GAPVD1: variants seen among roughly 807,000 people sequenced by gnomAD.
The protein encoded by GAPVD1 is GTPase activating protein and VPS9 domains 1.
Under a neutral mutation model 155.5 loss-of-function variants are expected in GAPVD1, and 35 were observed. The ratio of observed to expected loss-of-function variants is 0.23; its 90% CI spans 0.17 to 0.30. GAPVD1 has a LOEUF of 0.30. Ranked by LOEUF, GAPVD1 falls within the 10% of genes least tolerant of loss-of-function variation. The probability of loss-of-function intolerance (pLI) is 1.00; values close to 1 mark genes in which losing one functional copy is unlikely to be tolerated. For missense variants in GAPVD1, 1,429 were observed against 1,775.7 expected, an observed-to-expected ratio of 0.80 and a Z score of 3.51; for synonymous variants, 636 against 619.7, an observed-to-expected ratio of 1.03 and a Z score of -0.39.
At chr9:125,293,630 A>ATATATATATAATATAAAAATATATATAT (rs1385586353) in intron 2 of GAPVD1, among the ~76,000 whole-genome samples, 41 of 130,602 alleles carry the variant, frequency 3.1e-4, no homozygotes, top group African/African-American at 6.8e-4. Context: ...TATATATATT[A>ATATATATATAATATAAAAATATATATAT]TATATATATA....
chr9:125,278,698 G>T (rs76152527), intron 2 of GAPVD1, among the ~76,000 whole-genome samples: 1 of 151,800 alleles, frequency 6.6e-6, no homozygotes, highest in Non-Finnish European at 1.5e-5. Flanking sequence ...AGCTGGATGC[G>T]GTAGTACATG....
chr9:125,334,087 G>GGTC (rs939376806), intron 15 of GAPVD1, among the ~76,000 whole-genome samples: 43 of 152,244 alleles, frequency 2.8e-4, no homozygotes, highest in Admixed American at 1.5e-3. Flanking sequence ...GGACCACTGA[G>GGTC]GTCCTAAGAC....
intron 2 of GAPVD1, among the ~76,000 whole-genome samples, chr9:125,287,116 G>A (rs1456804479): frequency 6.6e-6 from 1 of 152,054 alleles, no homozygotes; most frequent in East Asian, 1.9e-4. Flanking sequence ...GGAGTTCAGA[G>A]TTGAGATTTA....
At chr9:125,309,495 C>T (rs770303601) in intron 8 of GAPVD1, among the ~76,000 whole-genome samples, 9 of 152,002 alleles carry the variant, frequency 5.9e-5, no homozygotes, top group African/African-American at 1.2e-4. Flanking sequence ...CCACCACGCC[C>T]GGCTAATTTT....
At chr9:125,334,432 A>T (rs1046715166) in intron 15 of GAPVD1, among the ~76,000 whole-genome samples, 3 of 152,216 alleles carry the variant, frequency 2.0e-5, no homozygotes, top group East Asian at 3.8e-4. Context: ...CTGAGATATG[A>T]TGAGATGTCT....
chr9:125,318,523 G>A (rs1843780538), intron 9 of GAPVD1, among the ~76,000 whole-genome samples: 1 of 152,126 alleles, frequency 6.6e-6, no homozygotes, highest in South Asian at 2.1e-4. Flanking sequence ...TCCCTTTTCT[G>A]TTAATTCACG....
Position 125,350,303 on chromosome 9 carries a change from A to T in GAPVD1, c.3308A>T (p.Lys1103Ile). ...TTCTACTCATTTTTCAGAGATGCAAAAAAGAAACTGAGGCTTGCTCTTTGC... is the reference window on the plus strand; with the variant it reads ...TTCTACTCATTTTTCAGAGATGCAATAAAGAAACTGAGGCTTGCTCTTTGC... ...QDSAFSYRDA[K>I]KKLRLALCSA... The change falls in exon 22 of 28, where the codon AAA becomes ATA. Residue 1103 changes from lysine to isoleucine, a missense_variant. Physicochemically the swap from Lys to Ile is moderately radical, Grantham distance 102 (BLOSUM62 -3). Transcript: ENST00000297933. The T allele has an allele frequency of 1.3e-6, 2 of 1,584,202 alleles. No individual in the cohort carries two copies. Among genetic ancestry groups the T allele is most frequent in the Non-Finnish European group, 1.7e-6 (2 of 1,170,378 alleles).
Position 125,337,513 on chromosome 9 carries a change from A to G in GAPVD1, c.2799A>G (p.Ala933=). 1 of 1,614,168 alleles carries G rather than the reference A, an allele frequency of 6.2e-7. No individual in the cohort carries two copies. The highest frequency in any genetic ancestry group is 8.5e-7 in the Non-Finnish European group (1 of 1,179,992). ...GNEERELPPA[A]AIGATSLVAA... ...AAGAGCGAGAACTCCCTCCAGCTGCAGCCATTGGTGCTACTTCTTTGGTGG... is the reference window on the plus strand; with the variant it reads ...AAGAGCGAGAACTCCCTCCAGCTGCGGCCATTGGTGCTACTTCTTTGGTGG... Residue 933 remains alanine, a synonymous_variant, in exon 17 of 28, where the codon GCA becomes GCG. Transcript: ENST00000297933.
rs935942659 is a variant in GAPVD1 at position 125,302,553 on chromosome 9, G to A, written c.756G>A (p.Glu252=). Residue 252 remains glutamate (E), a synonymous_variant, in exon 5 of 28, where the codon GAG becomes GAA. Transcript: ENST00000297933. ...GGCAAAAAGTTCAAGAAATGGTGGA[G>A]TCCAATGAAGCAAAGCTAGTGGCTT... The part of the protein sequence containing the change: ...RFRQKVQEMV[E]SNEAKLVALV... The A allele has an allele frequency of 1.9e-6, 3 of 1,613,804 alleles. No homozygotes were observed. Among genetic ancestry groups the A allele is most frequent in the South Asian group, 2.2e-5 (2 of 91,080 alleles).
intron 2 of GAPVD1, among the ~76,000 whole-genome samples, chr9:125,283,729 A>C (rs2132235586): frequency 6.6e-6 from 1 of 152,304 alleles, no homozygotes; most frequent in East Asian, 1.9e-4. Flanking sequence ...AGAAATTCTC[A>C]ATAGCAAAAA....
chr9:125,322,602 A>G (rs1381222316), intron 10 of GAPVD1, among the ~76,000 whole-genome samples: 2 of 152,180 alleles, frequency 1.3e-5, no homozygotes, highest in African/African-American at 4.8e-5. Context: ...AACCTTTTGT[A>G]ATTTAATAAT....
intron 1 of GAPVD1, among the ~76,000 whole-genome samples, chr9:125,267,108 G>A (rs907459679): frequency 6.6e-6 from 1 of 152,110 alleles, no homozygotes; most frequent in Non-Finnish European, 1.5e-5. Context: ...GCAACTCTTT[G>A]AAAAATTGTA....
At chr9:125,333,109 G>A (rs1345364081) in intron 15 of GAPVD1, among the ~76,000 whole-genome samples, 1 of 151,622 alleles carries the variant, frequency 6.6e-6, no homozygotes, top group Non-Finnish European at 1.5e-5. Context: ...GTCTTGTGCT[G>A]TCACCCAGGC....
At chr9:125,322,312 C>T (rs1294301966) in intron 10 of GAPVD1, among the ~76,000 whole-genome samples, 2 of 152,172 alleles carry the variant, frequency 1.3e-5, no homozygotes, top group East Asian at 3.9e-4. Context: ...GATCCGCCCA[C>T]CTCAGCCTCC....
At chr9:125,336,467 A>T (rs1043791261) in intron 15 of GAPVD1, among the ~76,000 whole-genome samples, 1 of 152,196 alleles carries the variant, frequency 6.6e-6, no homozygotes, top group African/African-American at 2.4e-5. Flanking sequence ...CTGTCTGTAC[A>T]GAGTATTGCC....
Position 125,360,697 on chromosome 9 carries a change from T to C in GAPVD1, c.4214T>C (p.Val1405Ala). The change falls in exon 27 of 28, where the codon GTT becomes GCT. Residue 1405 changes from valine (V) to alanine (A), a missense_variant. Val to Ala is a moderately conservative substitution (Grantham distance 64, BLOSUM62 0). Transcript: ENST00000297933. Reference protein sequence around the residue: ...EDSVPGADDFVPVLVFVLIKA... With the variant: ...EDSVPGADDFAPVLVFVLIKA... ...TCTGTCCCTGGAGCGGATGACTTTG[T>C]TCCTGTGTTGGTGTTTGTGTTGATA... The C allele has an allele frequency of 6.2e-7, 1 of 1,614,014 alleles. No homozygotes were observed. Among genetic ancestry groups the C allele is most frequent in the Non-Finnish European group, 8.5e-7 (1 of 1,179,924 alleles).
At chr9:125,293,852 T>TTTTATA (rs1839178964) in intron 2 of GAPVD1, among the ~76,000 whole-genome samples, 6 of 35,194 alleles carry the variant, frequency 1.7e-4, no homozygotes, top group Non-Finnish European at 2.2e-4. Context: ...AAAATATATT[T>TTTTATA]TATATATATA....
At position 125,329,338 on chromosome 9, in the gene GAPVD1, C is replaced by A. The variant is rs574057679; in HGVS notation, c.2033-740C>A. Among the ~76,000 whole-genome samples, 13 of 152,278 alleles carry A rather than the reference C, an allele frequency of 8.5e-5. No homozygotes were observed. The South Asian group carries it at 2.7e-3, about 32-fold the overall frequency. On this transcript the variant is annotated intron_variant, in intron 12 of 27. Transcript: ENST00000297933. ...GCTGGAAGAAAAAATATTTGGCCAG[C>A]ATAACATTCTGTGGTTAAACTCTCA...
At chr9:125,298,844 T>G (rs1840319277) in intron 3 of GAPVD1, 46 bp from the exon 4 acceptor site, 3 of 807,908 alleles carry the variant, frequency 3.7e-6, no homozygotes, top group African/African-American at 3.5e-5. Context: ...AGAAAAGAAC[T>G]TAAGTGACAT....
Sources: gnomAD v4.1 joint callset for allele counts (sites outside exome capture counted in the v4.1 genomes callset) on GRCh38, gnomAD v4.1.1 for gene constraint, MANE v1.5 for transcripts, NCBI Gene and HGNC (gene_info 2026-07-23, HGNC 2026-07-21) for gene names.